EGFR: variants seen among roughly 807,000 people sequenced by gnomAD.
EGFR encodes epidermal growth factor receptor, also known as avian erythroblastic leukemia viral (v-erb-b) oncogene homolog.
In EGFR, 58 loss-of-function variants were observed where a neutral mutation model predicts 143.0. The ratio of observed to expected loss-of-function variants is 0.41; its 90% CI spans 0.33 to 0.50. EGFR has a LOEUF of 0.50. EGFR is among the 20% of genes least tolerant of loss of function. EGFR has a pLI of 0.39. For missense variants in EGFR, 1,307 were observed against 1,579.0 expected (o/e 0.83, Z 2.92); for synonymous variants, 613 against 594.4 (o/e 1.03, Z -0.45).
intron 1 of EGFR, among the ~76,000 whole-genome samples, chr7:55,074,808 T>TA (rs1248524553): frequency 1.3e-5 from 2 of 152,234 alleles, no homozygotes; most frequent in Non-Finnish European, 2.9e-5. Flanking sequence ...GAATAATGCT[T>TA]AACCTGTCAT....
chr7:55,118,575 G>A (rs936770441), intron 1 of EGFR, among the ~76,000 whole-genome samples: 4 of 152,174 alleles, frequency 2.6e-5, no homozygotes, highest in Non-Finnish European at 5.9e-5. Context: ...TCCACTATGT[G>A]TCAGGCCACC....
At chr7:55,134,040 C>G (rs1174780655) in intron 1 of EGFR, among the ~76,000 whole-genome samples, 1 of 152,252 alleles carries the variant, frequency 6.6e-6, no homozygotes, top group Admixed American at 6.5e-5. Context: ...AGGCCCAGCA[C>G]GCTCACTGCT....
At position 55,205,796 on chromosome 7, in the gene EGFR, GT is replaced by G; in HGVS notation, c.*181del. 1 of 875,260 alleles carries G rather than the reference GT, an allele frequency of 1.1e-6. No individual in the cohort carries two copies. 54.2% of individuals were successfully genotyped at this position (875,260 alleles called of 1,614,324 possible). On this transcript the variant is annotated 3_prime_UTR_variant, in exon 28 of 28. Transcript: ENST00000275493. ...TTCCACCTCGGGCACATTTTGGGAA[GT>G]TGCATTCCTTTGTCTTCAAACTGTG...
At chr7:55,165,658 T>A (rs1785941786) in intron 15 of EGFR, among the ~76,000 whole-genome samples, 1 of 152,194 alleles carries the variant, frequency 6.6e-6, no homozygotes, top group African/African-American at 2.4e-5. Context: ...CGGCCGGGCC[T>A]GTGTTGTGCA....
intron 20 of EGFR, among the ~76,000 whole-genome samples, chr7:55,184,482 C>G (rs1254448602): frequency 6.6e-6 from 1 of 152,194 alleles, no homozygotes; most frequent in Non-Finnish European, 1.5e-5. Flanking sequence ...AAAAATTAGC[C>G]TTCTACAAAC....
At chr7:55,159,241 C>T (rs1054433872) in intron 11 of EGFR, among the ~76,000 whole-genome samples, 1 of 151,828 alleles carries the variant, frequency 6.6e-6, no homozygotes, top group African/African-American at 2.4e-5. Context: ...CATCGTGGTC[C>T]GGCAGGGGCT....
At chr7:55,109,378 G>A (rs1258006384) in intron 1 of EGFR, among the ~76,000 whole-genome samples, 1 of 152,200 alleles carries the variant, frequency 6.6e-6, no homozygotes, top group South Asian at 2.1e-4. Flanking sequence ...GAAGAATCGG[G>A]TGTTGGGATG....
At chr7:55,165,929 G>A (rs1785955087) in intron 15 of EGFR, among the ~76,000 whole-genome samples, 2 of 152,174 alleles carry the variant, frequency 1.3e-5, no homozygotes, top group African/African-American at 2.4e-5. Flanking sequence ...TGTAATTCCA[G>A]CACTTTGGGA....
chr7:55,045,336 A>T (rs975781259), intron 1 of EGFR, among the ~76,000 whole-genome samples: 1 of 152,260 alleles, frequency 6.6e-6, no homozygotes, highest in African/African-American at 2.4e-5. Context: ...TGAGAATTTT[A>T]AAATAAATTA....
intron 1 of EGFR, chr7:55,109,947 C>G: frequency 1.0e-6 from 1 of 985,248 alleles, no homozygotes; most frequent in Non-Finnish European, 1.2e-6. Context: ...AGAAGGTTAT[C>G]CGGATAACCA....
At chr7:55,098,303 G>A (rs34287931) in intron 1 of EGFR, among the ~76,000 whole-genome samples, 6,969 of 152,254 alleles carry the variant, frequency 0.046, 318 homozygotes, top group Admixed American at 0.14. Flanking sequence ...TGGCAGGGAT[G>A]GGGCTAGGGG....
At chr7:55,178,075 A>G (rs912899865) in intron 19 of EGFR, among the ~76,000 whole-genome samples, 1 of 152,116 alleles carries the variant, frequency 6.6e-6, no homozygotes, top group African/African-American at 2.4e-5. Flanking sequence ...TCTGCTCCCC[A>G]TTCCCAGCCC....
rs569944330 is a variant in EGFR at position 55,029,614 on chromosome 7, C to T, written c.88+10249C>T. Among the ~76,000 whole-genome samples the T allele has an allele frequency of 2.0e-5, 3 of 152,290 alleles. No homozygotes were observed. In the South Asian group the frequency reaches 6.2e-4, roughly 32 times the overall value. ...TTTTCAAAAGTTAGAAAGTACCAAA[C>T]ACACTCAGTATTCATGGTTATACAA... On this transcript the variant is annotated intron_variant, in intron 1 of 27. Transcript: ENST00000275493.
intron 1 of EGFR, among the ~76,000 whole-genome samples, chr7:55,029,268 C>G (rs563450527): frequency 6.6e-6 from 1 of 152,300 alleles, no homozygotes; most frequent in African/African-American, 2.4e-5. Flanking sequence ...TTTTTCTTGG[C>G]TTCAATTTGC....
chr7:55,089,859 A>T (rs1181263197), intron 1 of EGFR, among the ~76,000 whole-genome samples: 1 of 152,178 alleles, frequency 6.6e-6, no homozygotes, highest in Non-Finnish European at 1.5e-5. Context: ...GCTATGCAGG[A>T]TGCCCTCTTT....
intron 1 of EGFR, among the ~76,000 whole-genome samples, chr7:55,130,263 C>A (rs1036294157): frequency 4.6e-5 from 7 of 152,184 alleles, no homozygotes; most frequent in African/African-American, 1.7e-4. Flanking sequence ...TGCCTACGTG[C>A]AGGAACTGGT....
At position 55,165,295 on chromosome 7, in the gene EGFR, A is replaced by G. The variant is rs1785910408; in HGVS notation, c.1738A>G (p.Ile580Val). 1.2e-6 allele frequency: 2 copies of G among 1,614,092 alleles called. No individual in the cohort carries two copies. Among genetic ancestry groups the G allele is most frequent in the South Asian group, 1.1e-5 (1 of 91,090 alleles). The stretch of plus-strand genomic sequence containing the variant: ...CTTGGTGCAGGGACCAGACAACTGT[A>G]TCCAGTGTGCCCACTACATTGACGG... ...TCTGRGPDNC[I>V]QCAHYIDGPH... The change falls in exon 15 of 28, where the codon ATC (isoleucine) becomes GTC (valine). Residue 580 changes from isoleucine to valine, a missense_variant. By Grantham distance (29) the Ile-to-Val change is conservative (BLOSUM62 3). This residue lies in a region of EGFR where 250 missense variants were observed against 295.1 expected (regional missense o/e 0.85). Transcript: ENST00000275493.
In EGFR at chr7:55,170,210, G is replaced by A. The variant is rs955662395; in HGVS notation, c.1881-965G>A. 2.3e-5 allele frequency: 37 copies of A among 1,604,846 alleles called. No individual in the cohort carries two copies. The East Asian group carries it at 3.3e-4, about 15-fold the overall frequency. ...GCAGTGTAGAGAACAGAGACCTGGA[G>A]AGCAGAGATAGAAACTGTTAGGATC... On this transcript the variant is annotated intron_variant, in intron 15 of 27. Coordinates refer to ENST00000275493, the MANE Select transcript of EGFR (RefSeq NM_005228.5).
intron 1 of EGFR, among the ~76,000 whole-genome samples, chr7:55,097,632 G>A (rs577790376): frequency 5.9e-5 from 9 of 152,158 alleles, no homozygotes; most frequent in African/African-American, 9.6e-5. Flanking sequence ...CTAAATATAC[G>A]TGTCACTTTG....
Sources: allele counts gnomAD v4.1 joint callset (sites outside exome capture counted in the v4.1 genomes callset), GRCh38; gene constraint gnomAD v4.1.1; regional missense constraint gnomAD v4.1.1; transcripts MANE v1.5; gene names NCBI Gene and HGNC (gene_info 2026-07-23, HGNC 2026-07-21).